FOXO3: variants seen among roughly 807,000 people sequenced by gnomAD.
The protein encoded by FOXO3 is forkhead box O3.
A neutral mutation model predicts 41.9 loss-of-function variants in FOXO3; 4 were observed. The ratio of observed to expected loss-of-function variants is 0.10; its 90% CI spans 0.05 to 0.22. The LOEUF is 0.22. Among genes scored for constraint, FOXO3 ranks in the 10% least tolerant of loss-of-function variants. FOXO3 has a pLI of 1.00. For missense variants in FOXO3, 534 were observed against 906.8 expected, an observed-to-expected ratio of 0.59 and a Z score of 5.28; for synonymous variants, 318 against 389.3, an observed-to-expected ratio of 0.82 and a Z score of 2.16.
intron 1 of FOXO3, among the ~76,000 whole-genome samples, chr6:108,563,839 T>C (rs112459999): frequency 0.019 from 2,863 of 152,292 alleles, 91 homozygotes; most frequent in African/African-American, 0.063. Flanking sequence ...TTACCAAAAG[T>C]AGCCGCGAAT....
At chr6:108,643,380 G>A (rs1320387913) in intron 1 of FOXO3, among the ~76,000 whole-genome samples, 1 of 152,144 alleles carries the variant, frequency 6.6e-6, no homozygotes, top group African/African-American at 2.4e-5. Flanking sequence ...AGTACCTTAG[G>A]TTACTTAATG....
At chr6:108,628,185 G>T (rs1306114640) in intron 1 of FOXO3, among the ~76,000 whole-genome samples, 1 of 152,202 alleles carries the variant, frequency 6.6e-6, no homozygotes, top group Non-Finnish European at 1.5e-5. Flanking sequence ...ACCCATTGGT[G>T]TGAGTTTATT....
chr6:108,560,822 C>G (rs1488286837), upstream of FOXO3: 9 of 474,422 alleles, frequency 1.9e-5, no homozygotes, highest in East Asian at 8.3e-5. Flanking sequence ...CCGCCTAGCC[C>G]GGGAGGGACC....
intron 1 of FOXO3, among the ~76,000 whole-genome samples, chr6:108,578,201 G>A (rs546225939): frequency 6.6e-6 from 1 of 152,228 alleles, no homozygotes; most frequent in African/African-American, 2.4e-5. Flanking sequence ...GGAACATCAC[G>A]CAGATTCTCA....
chr6:108,627,033 CT>C (rs1777829909), intron 1 of FOXO3, among the ~76,000 whole-genome samples: 1 of 152,212 alleles, frequency 6.6e-6, no homozygotes, highest in Non-Finnish European at 1.5e-5. Context: ...AGGAGGCAGG[CT>C]TCCTAACTGT....
intron 1 of FOXO3, among the ~76,000 whole-genome samples, chr6:108,578,585 A>C (rs1177079044): frequency 6.6e-6 from 1 of 152,256 alleles, no homozygotes; most frequent in South Asian, 2.1e-4. Context: ...CTTAGTGCAT[A>C]TATTGTGTTC....
chr6:108,561,062 C>A lies in FOXO3; in HGVS notation c.-147C>A, dbSNP rs1316317164. The A allele has an allele frequency of 2.1e-6, 3 of 1,420,102 alleles. No individual in the cohort carries two copies. In the African/African-American group the frequency reaches 4.5e-5, roughly 21 times the overall value. 88.0% of individuals were successfully genotyped at this position (1,420,102 alleles called of 1,614,324 possible). Reference sequence around the variant, plus strand: ...CGGCCCGGGATAACCAACTCTCCTTCTCTCTTCTTTGGTGCTTCCCCAGGC... The same window carrying A: ...CGGCCCGGGATAACCAACTCTCCTTATCTCTTCTTTGGTGCTTCCCCAGGC... On this transcript the variant is annotated 5_prime_UTR_variant, in exon 1 of 3. Coordinates refer to ENST00000406360, the MANE Select transcript of FOXO3 (RefSeq NM_001455.4).
chr6:108,640,978 A>G (rs967595585), intron 1 of FOXO3, among the ~76,000 whole-genome samples: 5 of 152,134 alleles, frequency 3.3e-5, no homozygotes, highest in African/African-American at 7.2e-5. Flanking sequence ...CAATGGCGCA[A>G]TCTTGGCTCA....
At chr6:108,604,952 G>A (rs553581654) in intron 1 of FOXO3, among the ~76,000 whole-genome samples, 39 of 152,170 alleles carry the variant, frequency 2.6e-4, no homozygotes, top group Admixed American at 2.0e-3. Flanking sequence ...TTTCTGTTTT[G>A]CAAATTTACT....
In FOXO3 at chr6:108,681,380, T is replaced by A. The variant is rs1189093199; in HGVS notation, c.*1588T>A. On this transcript the variant is annotated 3_prime_UTR_variant, in exon 3 of 3. Coordinates refer to ENST00000406360, the MANE Select transcript of FOXO3 (RefSeq NM_001455.4). ...TGGGCCTTAGGAATACAGGCTAGTA[T>A]TTCAGCACAGACTTCCCTGCTTGAG... The A allele has an allele frequency of 2.6e-5, 4 of 152,756 alleles. No homozygotes were observed. The East Asian group carries it at 7.7e-4, about 29-fold the overall frequency. 9.5% of individuals were successfully genotyped at this position (152,756 alleles called of 1,614,324 possible). A position where few individuals can be genotyped will look rare whatever the true frequency, so the allele number is the denominator to read the frequency against.
At chr6:108,568,886 AC>A (rs1389986172) in intron 1 of FOXO3, among the ~76,000 whole-genome samples, 1 of 152,204 alleles carries the variant, frequency 6.6e-6, no homozygotes, top group African/African-American at 2.4e-5. Context: ...ATCACTACTT[AC>A]CACAGAAACT....
intron 1 of FOXO3, among the ~76,000 whole-genome samples, chr6:108,641,691 A>ATG (rs1778262730): frequency 6.6e-6 from 1 of 152,080 alleles, no homozygotes; most frequent in African/African-American, 2.4e-5. Flanking sequence ...GCAGGATGGC[A>ATG]TGTGAGGACT....
intron 1 of FOXO3, among the ~76,000 whole-genome samples, chr6:108,577,652 C>T (rs932256811): frequency 2.0e-5 from 3 of 152,130 alleles, no homozygotes; most frequent in Non-Finnish European, 4.4e-5. Flanking sequence ...TTAAGCTTCC[C>T]ACGTGGTGAT....
At chr6:108,601,423 C>T (rs9386742) in intron 1 of FOXO3, among the ~76,000 whole-genome samples, 7,432 of 152,206 alleles carry the variant, frequency 0.049, 305 homozygotes, top group South Asian at 0.21. Flanking sequence ...CCTGCCTCAC[C>T]CTCCCGAGTA....
intron 1 of FOXO3, among the ~76,000 whole-genome samples, chr6:108,626,987 T>C (rs1777828602): frequency 6.6e-6 from 1 of 152,184 alleles, no homozygotes; most frequent in Non-Finnish European, 1.5e-5. Context: ...GACATACTGA[T>C]TGATGGTGGC....
intron 1 of FOXO3, among the ~76,000 whole-genome samples, chr6:108,564,427 G>A (rs1007567060): frequency 9.9e-5 from 15 of 152,204 alleles, no homozygotes; most frequent in Non-Finnish European, 1.8e-4. Context: ...GCACGCATGT[G>A]CATTTAAACC....
chr6:108,648,117 A>C (rs1333108268), intron 1 of FOXO3, among the ~76,000 whole-genome samples: 1 of 152,228 alleles, frequency 6.6e-6, no homozygotes, highest in East Asian at 1.9e-4. Flanking sequence ...AATTGAGGGC[A>C]GTCCATAGAC....
chr6:108,665,976 A>G lies in FOXO3; in HGVS notation c.*34+1087A>G, dbSNP rs76680083. On this transcript the variant is annotated intron_variant, in intron 2 of 2. Coordinates refer to ENST00000406360, the MANE Select transcript of FOXO3 (RefSeq NM_001455.4). ...GTGAATGGTGATGGAGATTTTTTCA[A>G]TTGTGGCATTTTAATGTTCTCAGAA... Among the ~76,000 whole-genome samples the G allele has an allele frequency of 4.7e-3, 712 of 152,084 alleles. 5 individuals are homozygous for G. Among genetic ancestry groups the G allele is most frequent in the Non-Finnish European group, 7.9e-3 (538 of 68,004 alleles).
chr6:108,639,485 G>C (rs769714033), intron 1 of FOXO3: 2 of 881,026 alleles, frequency 2.3e-6, no homozygotes, highest in African/African-American at 1.8e-5. Flanking sequence ...TCTGTGCTTT[G>C]CCCTCAGAAC....
Sources: allele counts gnomAD v4.1 joint callset (sites outside exome capture counted in the v4.1 genomes callset), GRCh38; gene constraint gnomAD v4.1.1; transcripts MANE v1.5; gene names NCBI Gene and HGNC (gene_info 2026-07-23, HGNC 2026-07-21).